RPH3AL: variants seen among roughly 807,000 people sequenced by gnomAD.
RPH3AL encodes the protein rabphilin 3A like (without C2 domains).
A neutral mutation model predicts 43.1 loss-of-function variants in RPH3AL; 38 were observed. The ratio of observed to expected loss-of-function variants is 0.88; its 90% CI spans 0.68 to 1.15. The LOEUF (loss-of-function observed/expected upper bound fraction) is 1.15, where lower values mean the gene tolerates loss of function less well. RPH3AL is among the 50% of genes most tolerant of loss of function. RPH3AL has a pLI of 0.00. For synonymous variants in RPH3AL, 189 were observed against 176.3 expected, an observed-to-expected ratio of 1.07 and a Z score of -0.57; for missense variants, 462 against 423.2, an observed-to-expected ratio of 1.09 and a Z score of -0.81.
At chr17:297,522 C>T (rs1345457901) in intron 5 of RPH3AL, among the ~76,000 whole-genome samples, 1 of 152,234 alleles carries the variant, frequency 6.6e-6, no homozygotes, top group Non-Finnish European at 1.5e-5. Flanking sequence ...GAACTGAGCA[C>T]AGCCCACTGG....
intron 6 of RPH3AL, among the ~76,000 whole-genome samples, chr17:278,841 A>G (rs1427767836): frequency 6.6e-6 from 1 of 152,182 alleles, no homozygotes; most frequent in African/African-American, 2.4e-5. Flanking sequence ...AGATGGGCTG[A>G]GGCTCACACT....
rs1373822738 is a variant in RPH3AL, at chr17:350,526, G to A, written c.-213+2186C>T. Among the ~76,000 whole-genome samples the A allele has an allele frequency of 3.9e-5, 6 of 152,232 alleles. No individual in the cohort carries two copies. In the East Asian group the frequency reaches 5.8e-4, roughly 15 times the overall value. On this transcript the variant is annotated intron_variant, in intron 1 of 9. Coordinates refer to ENST00000331302, the MANE Select transcript of RPH3AL (RefSeq NM_006987.4). ...CTCAGGAGGCTGAGGCAGGGGAATC[G>A]CTTGAACCGAGGAGGCGGAGGTTGC...
Position 285,171 on chromosome 17 carries a change from C to A in RPH3AL, c.352-3317G>T, listed in dbSNP as rs574496947. Among the ~76,000 whole-genome samples, 321 of 152,106 alleles carry A rather than the reference C, an allele frequency of 2.1e-3. 2 individuals carry two copies. Among genetic ancestry groups the A allele is most frequent in the Non-Finnish European group, 3.9e-3 (265 of 68,000 alleles). On this transcript the variant is annotated intron_variant, in intron 5 of 9. Transcript: ENST00000331302. Reference sequence around the variant, plus strand: ...ATGGGAGCATCGTCGTGTCTCTCAGCCCTGGAGTCGTCTAGAGCCCTCGGT... The same window carrying A: ...ATGGGAGCATCGTCGTGTCTCTCAGACCTGGAGTCGTCTAGAGCCCTCGGT...
At chr17:241,313 G>A (rs918178758) in intron 7 of RPH3AL, among the ~76,000 whole-genome samples, 4 of 151,498 alleles carry the variant, frequency 2.6e-5, no homozygotes, top group East Asian at 1.9e-4. Flanking sequence ...GGAGGATCAC[G>A]TGAGCCCAGG....
chr17:242,354 CCTTCCTCTATTGACTA>C (rs1567576327), intron 7 of RPH3AL, among the ~76,000 whole-genome samples: 274 of 49,896 alleles, frequency 5.5e-3, no homozygotes, highest in African/African-American at 0.015. Context: ...CTATTGACTA[CCTTCCTCTATTGACTA>C]CCTTCCTCTA....
chr17:352,319 C>A (rs2045370294), intron 1 of RPH3AL, among the ~76,000 whole-genome samples: 1 of 152,224 alleles, frequency 6.6e-6, no homozygotes. Context: ...CTGCTGCTAG[C>A]GCACAACCCC....
chr17:319,391 A>G (rs1375197504), intron 5 of RPH3AL, 29 bp downstream of exon 5: 4 of 1,606,654 alleles, frequency 2.5e-6, no homozygotes, highest in East Asian at 2.2e-5. Context: ...CTGGGAAGCC[A>G]GAATGACAGG....
intron 6 of RPH3AL, among the ~76,000 whole-genome samples, chr17:265,038 A>G (rs1316984512): frequency 1.3e-5 from 2 of 152,226 alleles, no homozygotes; most frequent in Non-Finnish European, 2.9e-5. Context: ...AAGTAGCTGG[A>G]AATAAAACAC....
At chr17:260,592 C>A (rs1031560980) in intron 6 of RPH3AL, among the ~76,000 whole-genome samples, 18 of 152,180 alleles carry the variant, frequency 1.2e-4, no homozygotes, top group Non-Finnish European at 4.4e-5. Context: ...CGGGAAAAGA[C>A]CTGTGACTGA....
rs1567585112 is a variant in RPH3AL, at chr17:250,564, AGTCTTTACTAAGCTCT to A, written c.439-3295_439-3280del. ...GCTCCATCGCTGTGGGACTTCTCAG[AGTCTTTACTAAGCTCT>A]ATCACTGCGGGACCTCTCAGGGCCT... is the stretch of plus-strand genomic sequence containing the variant. On this transcript the variant is annotated intron_variant, in intron 6 of 9. Transcript: ENST00000331302. Among the ~76,000 whole-genome samples the A allele has an allele frequency of 5.8e-5, 8 of 139,004 alleles. 1 individual carries two copies. Among genetic ancestry groups the A allele is most frequent in the African/African-American group, 2.2e-4 (8 of 36,208 alleles). 91.2% of individuals were successfully genotyped at this position (139,004 alleles called of 152,430 possible). A position where few individuals can be genotyped will look rare whatever the true frequency, so the allele number is the denominator to read the frequency against.
intron 1 of RPH3AL, among the ~76,000 whole-genome samples, chr17:340,478 C>T (rs372835287): frequency 8.5e-5 from 3 of 35,312 alleles, no homozygotes; most frequent in South Asian, 1.4e-3. Flanking sequence ...ACTCACTGCC[C>T]CCCACCCAGG....
At chr17:270,538 G>A (rs1197371921) in intron 6 of RPH3AL, among the ~76,000 whole-genome samples, 1 of 152,178 alleles carries the variant, frequency 6.6e-6, no homozygotes, top group Non-Finnish European at 1.5e-5. Context: ...TCCAGGATAA[G>A]TGAGTTGGAG....
chr17:327,101 G>A (rs2044638555), intron 3 of RPH3AL, among the ~76,000 whole-genome samples: 1 of 152,214 alleles, frequency 6.6e-6, no homozygotes, highest in Non-Finnish European at 1.5e-5. Context: ...CAGTCCTACA[G>A]CTCAGTGACA....
At chr17:238,738 C>T (rs140173370) in intron 7 of RPH3AL, among the ~76,000 whole-genome samples, 68 of 152,300 alleles carry the variant, frequency 4.5e-4, no homozygotes, top group African/African-American at 1.6e-3. Flanking sequence ...CTTTCACCTC[C>T]CACCCCCAGC....
chr17:298,416 G>A (rs2043233739), intron 5 of RPH3AL, among the ~76,000 whole-genome samples: 1 of 152,182 alleles, frequency 6.6e-6, no homozygotes, highest in Admixed American at 6.5e-5. Context: ...TCCAAGCCAG[G>A]CTGGGCACGG....
intron 6 of RPH3AL, among the ~76,000 whole-genome samples, chr17:279,277 G>A (rs1490860564): frequency 2.0e-5 from 3 of 152,106 alleles, no homozygotes; most frequent in Non-Finnish European, 4.4e-5. Flanking sequence ...GTACCCACAG[G>A]TACCCAGGCT....
intron 5 of RPH3AL, among the ~76,000 whole-genome samples, chr17:305,007 GGC>G (rs1396907994): frequency 1.5e-5 from 1 of 65,056 alleles, no homozygotes; most frequent in African/African-American, 7.0e-5. Context: ...GAGGGGACAG[GGC>G]GAGAGGGGGA....
At chr17:343,190 C>T (rs945701939) in intron 1 of RPH3AL, among the ~76,000 whole-genome samples, 5 of 152,154 alleles carry the variant, frequency 3.3e-5, no homozygotes, top group East Asian at 1.9e-4. Flanking sequence ...TGTCCACAGG[C>T]GACACACCAG....
rs1410259326 is a variant in RPH3AL at position 322,713 on chromosome 17, C to G, written c.78-1298G>C. Among the ~76,000 whole-genome samples the G allele has an allele frequency of 6.6e-6, 1 of 152,072 alleles. No individual in the cohort carries two copies. Among genetic ancestry groups the G allele is most frequent in the Non-Finnish European group, 1.5e-5 (1 of 68,022 alleles). On this transcript the variant is annotated intron_variant, in intron 3 of 9. Coordinates refer to ENST00000331302, the MANE Select transcript of RPH3AL (RefSeq NM_006987.4). The surrounding 1 kb of genome is among the most constrained non-coding windows in gnomAD (Gnocchi z 4.0). ...GGAGGCGGACCCTTTCCTGGGGGCC[C>G]CCTGACACAAGATGGGCCCCGGTGG...
Sources: gnomAD v4.1 joint callset for allele counts (sites outside exome capture counted in the v4.1 genomes callset) on GRCh38, gnomAD v4.1.1 for gene constraint, Gnocchi (gnomAD v3.1) non-coding constraint, MANE v1.5 for transcripts, NCBI Gene and HGNC (gene_info 2026-07-23, HGNC 2026-07-21) for gene names.